Variants in WDR41 observed in about 807,000 individuals in gnomAD.
WDR41 encodes the protein WD repeat domain 41, also known as WD repeat-containing protein 41.
In WDR41, 63 loss-of-function variants were observed where a neutral mutation model predicts 69.3. The observed-to-expected ratio is 0.91, with a 90% confidence interval of 0.74 to 1.12. The LOEUF is 1.12. Ranked by LOEUF, WDR41 falls within the 50% of genes most tolerant of loss-of-function variation. WDR41 has a pLI of 0.00. For missense variants in WDR41, 543 were observed against 534.5 expected (o/e 1.02, Z -0.16); for synonymous variants, 185 against 192.1 (o/e 0.96, Z 0.31).
chr5:77,590,892 A>G (rs1744125341), intron 1 of WDR41, among the ~76,000 whole-genome samples: 1 of 152,200 alleles, frequency 6.6e-6, no homozygotes, highest in African/African-American at 2.4e-5. Flanking sequence ...AATGAGTTGG[A>G]AAGTGCTCCC....
chr5:77,480,244 A>G (rs1194644428), intron 2 of WDR41: 1 of 152,156 alleles, frequency 6.6e-6, no homozygotes, highest in East Asian at 1.9e-4. Context: ...AACTAGTTCA[A>G]CCATTGTGGA....
intron 7 of WDR41, 89 bp downstream of exon 7, chr5:77,451,202 T>A: frequency 8.1e-7 from 1 of 1,228,616 alleles, no homozygotes; most frequent in Non-Finnish European, 1.2e-6. Context: ...ACACGCAATG[T>A]CCCTTAAATA....
chr5:77,606,722 G>A (rs1044839559), intron 1 of WDR41, among the ~76,000 whole-genome samples: 1 of 152,002 alleles, frequency 6.6e-6, no homozygotes, highest in Non-Finnish European at 1.5e-5. Flanking sequence ...ATGATCACTT[G>A]AGACCAGGAG....
At chr5:77,468,009 CA>C (rs201829683) in intron 2 of WDR41, among the ~76,000 whole-genome samples, 1 of 150,716 alleles carries the variant, frequency 6.6e-6, no homozygotes, top group Admixed American at 6.6e-5. Context: ...GACTCCATCT[CA>C]AAAAAAACAC....
At chr5:77,591,853 T>C (rs1744143124) in intron 1 of WDR41, among the ~76,000 whole-genome samples, 1 of 152,148 alleles carries the variant, frequency 6.6e-6, no homozygotes, top group South Asian at 2.1e-4. Context: ...CTTAAAAGAA[T>C]GTACATTCTA....
intron 1 of WDR41, chr5:77,545,684 A>G: frequency 2.2e-6 from 1 of 452,226 alleles, no homozygotes; most frequent in Admixed American, 4.0e-5. Flanking sequence ...CTCAAGGATG[A>G]GGTTTTAAAG....
intron 1 of WDR41, among the ~76,000 whole-genome samples, chr5:77,585,931 T>C (rs1029367558): frequency 2.6e-5 from 4 of 152,130 alleles, no homozygotes; most frequent in African/African-American, 9.7e-5. Flanking sequence ...AAAGAACTTA[T>C]ATAACCAAAT....
chr5:77,511,402 T>C, intron 1 of WDR41, among the ~76,000 whole-genome samples: 1 of 152,358 alleles, frequency 6.6e-6, no homozygotes, highest in East Asian at 1.9e-4. Context: ...TATCTGTCTT[T>C]ATCTCTAATG....
In WDR41 at chr5:77,449,837, G is replaced by C. The variant is rs780330388; in HGVS notation, c.620C>G (p.Ser207Ter). The change falls in exon 8 of 13, where the codon TCA becomes TGA. Residue 207 changes from serine (S) to a stop codon, truncating the protein, a stop_gained. Transcript: ENST00000296679. LOFTEE classifies it high-confidence loss of function. ...AACTTCAAGAATATCCCATTCTAGT[G>C]ATCCTTCTGTGGGTGCTACCAACCT... is the stretch of plus-strand genomic sequence containing the variant. ...IFRLVAPTEG[S>*]LEWDILEVKR... 6.2e-7 allele frequency: 1 copy of C among 1,613,448 alleles called. No individual in the cohort carries two copies. The highest frequency in any genetic ancestry group is 2.2e-5 in the East Asian group (1 of 44,852).
intron 1 of WDR41, among the ~76,000 whole-genome samples, chr5:77,610,484 G>T (rs1157356462): frequency 1.8e-4 from 27 of 152,110 alleles, no homozygotes; most frequent in African/African-American, 6.3e-4. Context: ...AGCCAGAAGA[G>T]AGTGGGGGCC....
At chr5:77,453,780 G>A (rs17751147) in intron 6 of WDR41, 37 bp downstream of exon 6, 3 of 1,510,140 alleles carry the variant, frequency 2.0e-6, no homozygotes, top group Middle Eastern at 3.4e-4. Flanking sequence ...CTTCTAGTCT[G>A]TCAATCATAG....
At chr5:77,562,626 G>T (rs1053879656) in intron 1 of WDR41, among the ~76,000 whole-genome samples, 5 of 152,112 alleles carry the variant, frequency 3.3e-5, no homozygotes, top group African/African-American at 1.2e-4. Context: ...CATGATAATT[G>T]TTCTAGAAAG....
intron 9 of WDR41, 83 bp from the exon 10 acceptor site, chr5:77,438,444 C>T: frequency 6.5e-7 from 1 of 1,546,182 alleles, no homozygotes. Context: ...CATGTGACAT[C>T]AGAAAGCCAC....
intron 9 of WDR41, among the ~76,000 whole-genome samples, chr5:77,439,972 A>T (rs570532944): frequency 1.3e-5 from 2 of 152,298 alleles, no homozygotes; most frequent in Admixed American, 1.3e-4. Context: ...CAATCTTTGA[A>T]TATATTAGTG....
At chr5:77,557,017 A>C (rs1027949166) in intron 1 of WDR41, among the ~76,000 whole-genome samples, 1 of 152,192 alleles carries the variant, frequency 6.6e-6, no homozygotes, top group African/African-American at 2.4e-5. Flanking sequence ...TTGGTAGTCA[A>C]ACATCAAAAA....
intron 2 of WDR41, among the ~76,000 whole-genome samples, chr5:77,474,131 T>C (rs1356786066): frequency 6.6e-6 from 1 of 152,162 alleles, no homozygotes; most frequent in Non-Finnish European, 1.5e-5. Context: ...TCATGTCCTT[T>C]GTAGGGACAT....
At chr5:77,615,829 T>C (rs1580055270) in intron 1 of WDR41, among the ~76,000 whole-genome samples, 1 of 151,752 alleles carries the variant, frequency 6.6e-6, no homozygotes, top group African/African-American at 2.4e-5. Flanking sequence ...CCTGGCTCTA[T>C]TAAAATTCCA....
intron 8 of WDR41, among the ~76,000 whole-genome samples, chr5:77,447,886 A>T (rs1242788045): frequency 6.6e-6 from 1 of 152,148 alleles, no homozygotes; most frequent in East Asian, 1.9e-4. Context: ...TTTAGAAGAA[A>T]TTTTTTAAAA....
chr5:77,598,656 GT>G (rs201617182), intron 1 of WDR41, among the ~76,000 whole-genome samples: 1 of 113,470 alleles, frequency 8.8e-6, no homozygotes, highest in East Asian at 7.0e-4. Flanking sequence ...TTTTTTTTTT[GT>G]TTTTTTTGTA....
Sources: allele counts gnomAD v4.1 joint callset (sites outside exome capture counted in the v4.1 genomes callset), GRCh38; gene constraint gnomAD v4.1.1; transcripts MANE v1.5; gene names NCBI Gene and HGNC (gene_info 2026-07-23, HGNC 2026-07-21).